EPHX2: variants seen among roughly 807,000 people sequenced by gnomAD.
The protein encoded by EPHX2 is epoxide hydrolase 2, also known as bifunctional epoxide hydrolase 2.
EPHX2 carries 74 observed loss-of-function variants against 78.7 expected under a neutral mutation model. The observed-to-expected ratio is 0.94, with a 90% CI of 0.78 to 1.14. The LOEUF is 1.14. Among genes scored for constraint, EPHX2 ranks in the 50% most tolerant of loss-of-function variants. The pLI, the probability that EPHX2 is intolerant of heterozygous loss-of-function variation, is 0.00. For missense variants in EPHX2, 715 were observed against 702.5 expected (o/e 1.02, Z -0.20); for synonymous variants, 251 against 255.2 (o/e 0.98, Z 0.16).
intron 12 of EPHX2, among the ~76,000 whole-genome samples, chr8:27,533,337 T>C (rs546226514): frequency 6.6e-6 from 1 of 152,298 alleles, no homozygotes; most frequent in Admixed American, 6.5e-5. Context: ...GTCCATCCTT[T>C]AACTTCTGTG....
intron 12 of EPHX2, among the ~76,000 whole-genome samples, chr8:27,536,016 A>G (rs1815199082): frequency 6.6e-6 from 1 of 152,146 alleles, no homozygotes; most frequent in Non-Finnish European, 1.5e-5. Context: ...GAGAATTCCC[A>G]CCATACACAA....
intron 9 of EPHX2, among the ~76,000 whole-genome samples, chr8:27,518,759 G>A (rs1302158773): frequency 2.0e-5 from 3 of 152,204 alleles, no homozygotes; most frequent in Admixed American, 6.5e-5. Flanking sequence ...AGCTTCATGC[G>A]CTGGCTTTGG....
rs796293855 is a variant in EPHX2, at chr8:27,501,324, T to TTTCTTCTTCTTCTTCTTCTTCTTC, written c.186+362_186+385dup. Among the ~76,000 whole-genome samples, 200 of 103,002 alleles carry TTTCTTCTTCTTCTTCTTCTTCTTC rather than the reference T, an allele frequency of 1.9e-3. 3 individuals carry two copies. The highest frequency in any genetic ancestry group is 5.0e-3 in the Middle Eastern group (1 of 202). 67.6% of individuals were successfully genotyped at this position (103,002 alleles called of 152,430 possible). On this transcript the variant is annotated intron_variant, in intron 2 of 18. Transcript: ENST00000521400. ...TAAGAAAGAGGGAAATGCTATATAT[T>TTTCTTCTTCTTCTTCTTCTTCTTC]TTCTTCTTCTTCTTCTTCTTCTTCT...
At chr8:27,508,698 C>T (rs1310978547) in intron 5 of EPHX2, among the ~76,000 whole-genome samples, 2 of 152,138 alleles carry the variant, frequency 1.3e-5, no homozygotes, top group African/African-American at 4.8e-5. Flanking sequence ...AACATCATCC[C>T]CCTTGTATTT....
chr8:27,492,605 A>G (rs1419946972), intron 1 of EPHX2, among the ~76,000 whole-genome samples: 1 of 152,208 alleles, frequency 6.6e-6, no homozygotes, highest in African/African-American at 2.4e-5. Flanking sequence ...GCGAAAGCAC[A>G]AAGCTTCCAC....
chr8:27,512,103 A>AG, intron 6 of EPHX2, 193 bp downstream of exon 6: 7 of 419,078 alleles, frequency 1.7e-5, no homozygotes, highest in Non-Finnish European at 1.7e-5. Context: ...GTCTCAAGAA[A>AG]AAAAAAAAAA....
chr8:27,498,989 G>A (rs1813670296), intron 1 of EPHX2, among the ~76,000 whole-genome samples: 1 of 152,140 alleles, frequency 6.6e-6, no homozygotes, highest in Non-Finnish European at 1.5e-5. Context: ...CCAAGGTTGA[G>A]GGGTTGCATC....
At chr8:27,548,034 C>T (rs1460855465), downstream of EPHX2, among the ~76,000 whole-genome samples, 1 of 152,220 alleles carries the variant, frequency 6.6e-6, no homozygotes, top group Non-Finnish European at 1.5e-5. Context: ...CTCTCACACC[C>T]TCCAGCAGTG....
intron 1 of EPHX2, among the ~76,000 whole-genome samples, chr8:27,499,726 G>A (rs1314586720): frequency 6.6e-6 from 1 of 152,222 alleles, no homozygotes; most frequent in African/African-American, 2.4e-5. Flanking sequence ...AACAGAGACT[G>A]GATGGCAACA....
chr8:27,518,172 C>A, intron 9 of EPHX2, 100 bp downstream of exon 9: 2 of 956,504 alleles, frequency 2.1e-6, no homozygotes, highest in Non-Finnish European at 1.6e-6. Context: ...AGCATCATTT[C>A]ACAGCCTCTG....
intron 6 of EPHX2, chr8:27,515,394 C>T (rs1814409272): frequency 3.0e-6 from 1 of 330,240 alleles, no homozygotes; most frequent in Non-Finnish European, 5.8e-6. Flanking sequence ...AAACACATCA[C>T]AACAGCATCA....
chr8:27,493,898 T>G (rs1288465293), intron 1 of EPHX2, among the ~76,000 whole-genome samples: 2 of 152,158 alleles, frequency 1.3e-5, no homozygotes, highest in African/African-American at 4.8e-5. Context: ...TGTGCTCTAT[T>G]TTCCCATTGG....
rs372745275 is a variant in EPHX2 at position 27,503,932 on chromosome 8, A to G, written c.346+169A>G. ...AGTTTTATCCAATGGCAAAAGCAGC[A>G]CTATTAGAAAAGCTGGAAAAATGGC... is the stretch of plus-strand genomic sequence containing the variant. On this transcript the variant is annotated intron_variant, in intron 3 of 18. Coordinates refer to ENST00000521400, the MANE Select transcript of EPHX2 (RefSeq NM_001979.6). Among the ~76,000 whole-genome samples the G allele has an allele frequency of 1.4e-4, 22 of 152,312 alleles. 1 individual carries two copies. The highest frequency in any genetic ancestry group is 4.3e-4 in the African/African-American group (18 of 41,574).
At chr8:27,498,992 G>A (rs1813670671) in intron 1 of EPHX2, among the ~76,000 whole-genome samples, 1 of 152,198 alleles carries the variant, frequency 6.6e-6, no homozygotes. Context: ...AGGTTGAGGG[G>A]TTGCATCTGG....
chr8:27,517,418 G>A (rs79934348), intron 8 of EPHX2, among the ~76,000 whole-genome samples: 2,604 of 152,278 alleles, frequency 0.017, 77 homozygotes, highest in African/African-American at 0.06. Flanking sequence ...ACAAAAGACT[G>A]CAAATAGTCA....
intron 16 of EPHX2, among the ~76,000 whole-genome samples, chr8:27,542,242 T>C (rs1229507191): frequency 6.6e-6 from 1 of 152,162 alleles, no homozygotes; most frequent in Non-Finnish European, 1.5e-5. Flanking sequence ...AGACCAGGTC[T>C]TGACCTCCCA....
In EPHX2 at chr8:27,540,633, G is replaced by T; in HGVS notation, c.1356G>T (p.Gln452His). The T allele has an allele frequency of 1.9e-6, 3 of 1,614,106 alleles. No individual in the cohort carries two copies. The highest frequency in any genetic ancestry group is 2.5e-6 in the Non-Finnish European group (3 of 1,179,982). The stretch of plus-strand genomic sequence containing the variant: ...AGGAGGAAATCCAGTTCTATGTGCA[G>T]CAGTTCAAGAAGTCTGGTTTCAGGT... ...VTEEEIQFYV[Q>H]QFKKSGFRGP... The change falls in exon 15 of 19, where the codon CAG (glutamine) becomes CAT (histidine). Residue 452 changes from glutamine (Q) to histidine (H), a missense_variant. Coordinates refer to ENST00000521400, the MANE Select transcript of EPHX2 (RefSeq NM_001979.6).
Position 27,505,003 on chromosome 8 carries a change from GAGAGAGAT to G in EPHX2, c.395_402del (p.Glu132GlyfsTer8). On this transcript the variant is annotated frameshift_variant, in exon 4 of 19. Coordinates refer to ENST00000521400, the MANE Select transcript of EPHX2 (RefSeq NM_001979.6). LOFTEE classifies it high-confidence loss of function. ...CAACACCTGGCTGGACGACCGTGCTGAGAGAGATGGCCTGGCCCAGCTGATGTGTGAGC... is the reference window on the plus strand; with the variant it reads ...CAACACCTGGCTGGACGACCGTGCTGGGCCTGGCCCAGCTGATGTGTGAGC... 5.6e-6 allele frequency: 9 copies of G among 1,614,162 alleles called. No individual in the cohort carries two copies. The highest frequency in any genetic ancestry group is 7.6e-6 in the Non-Finnish European group (9 of 1,180,026).
At chr8:27,543,435 G>A (rs948470878) in intron 16 of EPHX2, among the ~76,000 whole-genome samples, 1 of 152,050 alleles carries the variant, frequency 6.6e-6, no homozygotes, top group Non-Finnish European at 1.5e-5. Flanking sequence ...TTAATTCAGG[G>A]AAGAGGAATC....
Sources: gnomAD v4.1 joint callset for allele counts (sites outside exome capture counted in the v4.1 genomes callset) on GRCh38, gnomAD v4.1.1 for gene constraint, MANE v1.5 for transcripts, NCBI Gene and HGNC (gene_info 2026-07-23, HGNC 2026-07-21) for gene names.